Variants in ENTREP2 observed in about 807,000 individuals in gnomAD.
The protein encoded by ENTREP2 is protein ENTREP2.
chr15:29,134,488 C>T, the ENTREP2 span, among the ~76,000 whole-genome samples: 1 of 152,178 alleles, frequency 6.6e-6, no homozygotes, highest in African/African-American at 2.4e-5. Flanking sequence ...CACGGGCCAG[C>T]CGGAAGCTGA....
chr15:29,583,418 T>G, the ENTREP2 span, among the ~76,000 whole-genome samples: 1 of 152,248 alleles, frequency 6.6e-6, no homozygotes, highest in South Asian at 2.1e-4. Context: ...TGTTCTTACT[T>G]ACGAGTGGGA....
chr15:29,174,231 C>G, the ENTREP2 span, among the ~76,000 whole-genome samples: 5 of 152,200 alleles, frequency 3.3e-5, no homozygotes, highest in African/African-American at 1.2e-4. Context: ...CCTTGTACAT[C>G]AAGGTTTCTT....
the ENTREP2 span, among the ~76,000 whole-genome samples, chr15:29,476,618 T>C: frequency 3.3e-5 from 5 of 152,194 alleles, no homozygotes; most frequent in Admixed American, 2.6e-4. Flanking sequence ...CTGACCACCC[T>C]TGTCCTTCCT....
chr15:29,157,936 G>A, the ENTREP2 span, among the ~76,000 whole-genome samples: 1 of 152,058 alleles, frequency 6.6e-6, no homozygotes, highest in Non-Finnish European at 1.5e-5. Context: ...TCACCATGTT[G>A]GCCAGGATGA....
At chr15:29,269,046 C>A in the ENTREP2 span, 2 of 1,614,164 alleles carry the variant, frequency 1.2e-6, no homozygotes, top group South Asian at 1.1e-5. Flanking sequence ...TAATGAGTTT[C>A]TTTGGATCTC....
the ENTREP2 span, among the ~76,000 whole-genome samples, chr15:29,604,157 C>A: frequency 6.6e-6 from 1 of 152,042 alleles, no homozygotes; most frequent in Non-Finnish European, 1.5e-5. Context: ...GGGAATTTCA[C>A]AAAACGAAGA....
the ENTREP2 span, among the ~76,000 whole-genome samples, chr15:29,469,938 C>A: frequency 6.6e-6 from 1 of 152,140 alleles, no homozygotes; most frequent in Non-Finnish European, 1.5e-5. Flanking sequence ...TAAAGAAGTA[C>A]TTTTGTCTCC....
the ENTREP2 span, chr15:29,570,559 C>A: frequency 6.8e-7 from 1 of 1,469,262 alleles, no homozygotes; most frequent in Non-Finnish European, 9.0e-7. Flanking sequence ...AGGTGGTGAG[C>A]GCCAGCGCGG....
At chr15:29,136,221 G>A in the ENTREP2 span, 2 of 799,874 alleles carry the variant, frequency 2.5e-6, no homozygotes, top group Non-Finnish European at 1.8e-6. Context: ...ATGCATCCGG[G>A]GGCCTCGGCA....
the ENTREP2 span, among the ~76,000 whole-genome samples, chr15:29,313,014 C>T: frequency 6.6e-6 from 1 of 152,190 alleles, no homozygotes; most frequent in Non-Finnish European, 1.5e-5. Flanking sequence ...ACAGCCTTAT[C>T]GCTGATTTGG....
the ENTREP2 span, among the ~76,000 whole-genome samples, chr15:29,476,316 C>A: frequency 6.6e-6 from 1 of 152,326 alleles, no homozygotes; most frequent in African/African-American, 2.4e-5. Flanking sequence ...GCCACTGCCA[C>A]CCCATAAAAG....
the ENTREP2 span, among the ~76,000 whole-genome samples, chr15:29,651,306 C>T: frequency 6.6e-6 from 1 of 152,330 alleles, no homozygotes; most frequent in East Asian, 1.9e-4. Flanking sequence ...TTCAAAACCT[C>T]TACACTCCTT....
the ENTREP2 span, among the ~76,000 whole-genome samples, chr15:29,257,939 C>T: frequency 5.9e-5 from 9 of 151,660 alleles, no homozygotes; most frequent in African/African-American, 1.7e-4. Flanking sequence ...TTGCTGGGCG[C>T]GGTGGCTCAC....
At chr15:29,589,022 G>T in the ENTREP2 span, among the ~76,000 whole-genome samples, 1 of 151,792 alleles carries the variant, frequency 6.6e-6, no homozygotes, top group African/African-American at 2.4e-5. Context: ...GAAAAAAAAG[G>T]CTAAACTACA....
At chr15:29,462,753 A>T in the ENTREP2 span, among the ~76,000 whole-genome samples, 2 of 152,182 alleles carry the variant, frequency 1.3e-5, no homozygotes, top group Admixed American at 6.6e-5. Flanking sequence ...CTCTCTGGGC[A>T]TGACCCCTAT....
chr15:29,120,244 G>A, the ENTREP2 span: 1 of 152,224 alleles, frequency 6.6e-6, no homozygotes, highest in Non-Finnish European at 1.5e-5. Context: ...AGACCTCAGA[G>A]ACACAGAGGC....
chr15:29,332,461 C>T, the ENTREP2 span, among the ~76,000 whole-genome samples: 4 of 152,056 alleles, frequency 2.6e-5, no homozygotes, highest in Admixed American at 2.0e-4. Context: ...ATTCTCATTT[C>T]GCTAAAAAGC....
chr15:29,447,451 C>T, the ENTREP2 span, among the ~76,000 whole-genome samples: 1 of 152,166 alleles, frequency 6.6e-6, no homozygotes, highest in Non-Finnish European at 1.5e-5. Flanking sequence ...CCTTCACATC[C>T]CATGCAAAAG....
At chr15:29,318,147 G>A in the ENTREP2 span, among the ~76,000 whole-genome samples, 3 of 152,234 alleles carry the variant, frequency 2.0e-5, no homozygotes, top group Non-Finnish European at 2.9e-5. Flanking sequence ...ATTGCACTTC[G>A]TTGCATTGCA....
Sources: gnomAD v4.1 joint callset for allele counts (sites outside exome capture counted in the v4.1 genomes callset) on GRCh38, gnomAD v4.1.1 for gene constraint, MANE v1.5 for transcripts, NCBI Gene and HGNC (gene_info 2026-07-23, HGNC 2026-07-21) for gene names.